Variants in MFHAS1 observed in about 807,000 individuals in gnomAD.
MFHAS1 encodes multifunctional ROCO family signaling regulator 1.
A neutral mutation model predicts 70.4 loss-of-function variants in MFHAS1; 50 were observed. The ratio of observed to expected loss-of-function variants is 0.71; its 90% CI spans 0.57 to 0.90. The LOEUF (loss-of-function observed/expected upper bound fraction) is 0.90. MFHAS1 is among the 40% of genes least tolerant of loss of function. The pLI, the probability that MFHAS1 is intolerant of heterozygous loss-of-function variation, is 0.00. For missense variants in MFHAS1, 1,795 were observed against 1,347.6 expected (o/e 1.33, Z -5.20); for synonymous variants, 952 against 620.0 (o/e 1.54, Z -7.96).
At chr8:8,858,003 C>G (rs975512768) in intron 1 of MFHAS1, among the ~76,000 whole-genome samples, 2 of 152,160 alleles carry the variant, frequency 1.3e-5, no homozygotes, top group Non-Finnish European at 2.9e-5. Context: ...AATAGCTGAG[C>G]TGAACAAAAC....
chr8:8,852,874 T>G (rs1189599298), intron 1 of MFHAS1, among the ~76,000 whole-genome samples: 1 of 152,180 alleles, frequency 6.6e-6, no homozygotes, highest in Non-Finnish European at 1.5e-5. Context: ...AAATTTACAT[T>G]CTGGGAGAAG....
At chr8:8,832,043 C>T (rs76806937) in intron 1 of MFHAS1, among the ~76,000 whole-genome samples, 14,334 of 103,158 alleles carry the variant, frequency 0.14, 1,075 homozygotes, top group South Asian at 0.26. Flanking sequence ...TCAAGGCGCA[C>T]ATGCACGCGC....
At position 8,892,547 on chromosome 8, in the gene MFHAS1, G is replaced by A. The variant is rs1245756787; in HGVS notation, c.512C>T (p.Ala171Val). 4 of 1,597,332 alleles carry A rather than the reference G, an allele frequency of 2.5e-6. No homozygotes were observed. Among genetic ancestry groups the A allele is most frequent in the Non-Finnish European group, 3.4e-6 (4 of 1,172,620 alleles). Residue 171 changes from alanine (A) to valine (V), a missense_variant, in exon 1 of 3, where the codon GCG (alanine) becomes GTG (valine). Physicochemically the swap from Ala to Val is moderately conservative, Grantham distance 64. Coordinates refer to ENST00000276282, the MANE Select transcript of MFHAS1 (RefSeq NM_004225.3). The surrounding 1 kb of genome is among the most constrained non-coding windows in gnomAD (Gnocchi z 4.7). ...GCAGGAGAGGGAGTCAGGCAGGTGC[G>A]CCAGCCGGTTAAAGCTGACATCCAG... The part of the protein sequence containing the change: ...EELDVSFNRL[A>V]HLPDSLSCLS...
intron 1 of MFHAS1, among the ~76,000 whole-genome samples, chr8:8,869,275 T>C (rs1367193617): frequency 6.6e-6 from 1 of 152,238 alleles, no homozygotes; most frequent in Non-Finnish European, 1.5e-5. Flanking sequence ...ATCTCTTCAG[T>C]GCATCTGCTT....
intron 1 of MFHAS1, among the ~76,000 whole-genome samples, chr8:8,805,300 T>C (rs1032855990): frequency 8.5e-5 from 13 of 152,200 alleles, no homozygotes; most frequent in African/African-American, 1.7e-4. Flanking sequence ...CCCCCAGAAC[T>C]TAACTACAAA....
intron 1 of MFHAS1, among the ~76,000 whole-genome samples, chr8:8,878,182 C>G (rs927305037): frequency 1.3e-5 from 2 of 152,124 alleles, no homozygotes; most frequent in African/African-American, 4.8e-5. Flanking sequence ...AGACTGTCTG[C>G]CCAGAACTTA....
intron 1 of MFHAS1, among the ~76,000 whole-genome samples, chr8:8,851,985 G>C (rs991942055): frequency 5.3e-5 from 8 of 152,258 alleles, no homozygotes; most frequent in African/African-American, 1.7e-4. Context: ...TAAGGACAGA[G>C]CGCTCCCTCA....
At chr8:8,832,154 G>T (rs572121102) in intron 1 of MFHAS1, among the ~76,000 whole-genome samples, 1 of 148,600 alleles carries the variant, frequency 6.7e-6, no homozygotes, top group Non-Finnish European at 1.5e-5. Flanking sequence ...AAACTTCTAG[G>T]TGAAGGTCTT....
intron 1 of MFHAS1, among the ~76,000 whole-genome samples, chr8:8,857,795 C>T (rs1054567530): frequency 6.6e-6 from 1 of 151,944 alleles, no homozygotes; most frequent in South Asian, 2.1e-4. Flanking sequence ...TGTTTGTAAA[C>T]TCAGTAGATA....
chr8:8,873,165 G>A (rs928533737), intron 1 of MFHAS1, among the ~76,000 whole-genome samples: 1 of 152,162 alleles, frequency 6.6e-6, no homozygotes, highest in African/African-American at 2.4e-5. Flanking sequence ...TCTTCCACAT[G>A]CAATTCATAA....
At chr8:8,837,611 C>G (rs1309291418) in intron 1 of MFHAS1, among the ~76,000 whole-genome samples, 1 of 151,826 alleles carries the variant, frequency 6.6e-6, no homozygotes, top group East Asian at 1.9e-4. Context: ...CCACTGCACT[C>G]CAGCCTGGGC....
intron 1 of MFHAS1, among the ~76,000 whole-genome samples, chr8:8,849,870 A>C (rs1242420961): frequency 6.6e-6 from 1 of 152,188 alleles, no homozygotes; most frequent in Non-Finnish European, 1.5e-5. Context: ...CCCAGGGAAA[A>C]CTCCATTTTA....
intron 1 of MFHAS1, among the ~76,000 whole-genome samples, chr8:8,843,632 C>T (rs771384361): frequency 2.0e-5 from 3 of 151,966 alleles, no homozygotes; most frequent in Non-Finnish European, 2.9e-5. Flanking sequence ...AAGCAGGGAG[C>T]GGGGTCTGTT....
intron 1 of MFHAS1, among the ~76,000 whole-genome samples, chr8:8,843,052 T>G (rs960376051): frequency 1.8e-4 from 27 of 147,140 alleles, no homozygotes; most frequent in African/African-American, 6.6e-4. Context: ...GATCATGAGG[T>G]CAGGAGATCG....
intron 1 of MFHAS1, among the ~76,000 whole-genome samples, chr8:8,830,454 C>G (rs1807343767): frequency 6.6e-6 from 1 of 152,172 alleles, no homozygotes; most frequent in Non-Finnish European, 1.5e-5. Context: ...GAAAATCACT[C>G]ATAATCCATC....
At chr8:8,825,874 C>A (rs1807138684) in intron 1 of MFHAS1, among the ~76,000 whole-genome samples, 1 of 152,172 alleles carries the variant, frequency 6.6e-6, no homozygotes, top group Non-Finnish European at 1.5e-5. Context: ...TTCTCTCCTT[C>A]AGCTCCTGGA....
At chr8:8,799,954 T>C (rs1004167549) in intron 1 of MFHAS1, among the ~76,000 whole-genome samples, 7 of 152,160 alleles carry the variant, frequency 4.6e-5, no homozygotes, top group African/African-American at 1.4e-4. Context: ...TTATGCGATG[T>C]ACCCAGAGTC....
chr8:8,815,486 G>A (rs1323206541), intron 1 of MFHAS1, among the ~76,000 whole-genome samples: 1 of 152,184 alleles, frequency 6.6e-6, no homozygotes, highest in Non-Finnish European at 1.5e-5. Flanking sequence ...CCCACCAACA[G>A]TGTAAAAGCA....
chr8:8,844,792 T>G (rs1807966683), intron 1 of MFHAS1, among the ~76,000 whole-genome samples: 1 of 152,306 alleles, frequency 6.6e-6, no homozygotes, highest in African/African-American at 2.4e-5. Context: ...GGAGGGGTGT[T>G]ACCTGGCACT....
Sources: gnomAD v4.1 joint callset for allele counts (sites outside exome capture counted in the v4.1 genomes callset) on GRCh38, gnomAD v4.1.1 for gene constraint, Gnocchi (gnomAD v3.1) non-coding constraint, MANE v1.5 for transcripts, NCBI Gene and HGNC (gene_info 2026-07-23, HGNC 2026-07-21) for gene names.